Variants in MME observed in about 807,000 individuals in gnomAD.
The protein encoded by MME is neprilysin.
Under a neutral mutation model 113.2 loss-of-function variants are expected in MME, and 98 were observed. The observed-to-expected ratio is 0.87, with a 90% confidence interval of 0.74 to 1.02. MME has a LOEUF of 1.02. Ranked by LOEUF, MME falls within the 50% of genes least tolerant of loss-of-function variation. The pLI is 0.00. For synonymous variants in MME, 292 were observed against 300.6 expected (o/e 0.97, Z 0.30); for missense variants, 836 against 896.0 (o/e 0.93, Z 0.86).
upstream of MME, among the ~76,000 whole-genome samples, chr3:155,075,873 AC>A (rs1714731676): frequency 6.6e-6 from 1 of 151,632 alleles, no homozygotes; most frequent in Non-Finnish European, 1.5e-5. Flanking sequence ...CAGCTTACAC[AC>A]CCCGTTGTCT....
chr3:155,157,984 G>A (rs1314381380), intron 16 of MME, among the ~76,000 whole-genome samples: 2 of 152,068 alleles, frequency 1.3e-5, no homozygotes, highest in Non-Finnish European at 2.9e-5. Flanking sequence ...TGTAACAGAA[G>A]AGCAGAAAAG....
intron 10 of MME, among the ~76,000 whole-genome samples, chr3:155,141,721 G>T (rs1721104222): frequency 1.3e-5 from 2 of 151,752 alleles, no homozygotes; most frequent in South Asian, 4.2e-4. Context: ...TTCTGTATTG[G>T]TTAGACAAAG....
intron 7 of MME, among the ~76,000 whole-genome samples, chr3:155,117,819 C>G (rs1184916652): frequency 6.6e-6 from 1 of 152,080 alleles, no homozygotes; most frequent in Admixed American, 6.6e-5. Context: ...GGGGAAGGAT[C>G]AGGGCCCTTC....
intron 1 of MME, among the ~76,000 whole-genome samples, chr3:155,070,998 G>A (rs975595440): frequency 2.0e-5 from 3 of 152,170 alleles, no homozygotes; most frequent in African/African-American, 7.2e-5. Flanking sequence ...CACAGGAAAT[G>A]CATCAGAGAG....
intron 22 of MME, among the ~76,000 whole-genome samples, chr3:155,179,443 G>A (rs562069980): frequency 6.6e-5 from 10 of 152,218 alleles, no homozygotes; most frequent in African/African-American, 2.2e-4. Context: ...GGAGGAGAGA[G>A]AAGTCCTAAG....
At chr3:155,075,308 C>G (rs1381317612), upstream of MME, among the ~76,000 whole-genome samples, 1 of 151,916 alleles carries the variant, frequency 6.6e-6, no homozygotes, top group Non-Finnish European at 1.5e-5. Context: ...TATGCTATAG[C>G]CTTATGTTTT....
intron 1 of MME, among the ~76,000 whole-genome samples, chr3:155,035,076 T>C (rs1367228339): frequency 6.6e-6 from 1 of 152,092 alleles, no homozygotes; most frequent in Admixed American, 6.6e-5. Flanking sequence ...GGAGATGGAA[T>C]GTTTATTTTA....
chr3:155,133,498 G>A (rs569787394), intron 8 of MME, among the ~76,000 whole-genome samples: 2 of 151,136 alleles, frequency 1.3e-5, no homozygotes, highest in South Asian at 4.2e-4. Context: ...TAAATACATC[G>A]GTAAGGATAA....
intron 1 of MME, among the ~76,000 whole-genome samples, chr3:155,072,899 C>T (rs1311848615): frequency 6.6e-6 from 1 of 152,180 alleles, no homozygotes; most frequent in African/African-American, 2.4e-5. Flanking sequence ...ATGTTGGCCT[C>T]TCAAAACTTT....
chr3:155,063,507 A>G (rs1268999628), intron 1 of MME, among the ~76,000 whole-genome samples: 2 of 112,364 alleles, frequency 1.8e-5, no homozygotes, highest in African/African-American at 7.8e-5. Context: ...TTAAATATAT[A>G]TATTTAAATA....
At chr3:155,032,681 A>T (rs1713008975) in intron 1 of MME, among the ~76,000 whole-genome samples, 1 of 152,214 alleles carries the variant, frequency 6.6e-6, no homozygotes, top group African/African-American at 2.4e-5. Context: ...AATGACAGGG[A>T]TCACAGGAGG....
chr3:155,160,568 T>C, intron 17 of MME, 120 bp downstream of exon 17: 1 of 698,832 alleles, frequency 1.4e-6, no homozygotes, highest in East Asian at 2.6e-5. Context: ...TATTGCTCTA[T>C]TGAATGCATT....
intron 8 of MME, among the ~76,000 whole-genome samples, chr3:155,124,754 C>T (rs1330670391): frequency 6.6e-6 from 1 of 151,872 alleles, no homozygotes; most frequent in African/African-American, 2.4e-5. Context: ...CAGGGACCCA[C>T]TTGAGGAGGC....
chr3:155,053,581 G>T (rs1243973096), intron 1 of MME, among the ~76,000 whole-genome samples: 1 of 152,118 alleles, frequency 6.6e-6, no homozygotes, highest in South Asian at 2.1e-4. Context: ...GACTTGTGGG[G>T]ATTATGGGAA....
At chr3:155,107,039 T>A in intron 3 of MME, among the ~76,000 whole-genome samples, 1 of 152,286 alleles carries the variant, frequency 6.6e-6, no homozygotes, top group East Asian at 1.9e-4. Context: ...TCCCTAAACA[T>A]TAATTCAGTG....
intron 1 of MME, among the ~76,000 whole-genome samples, chr3:155,051,728 G>T (rs995125782): frequency 6.6e-6 from 1 of 151,954 alleles, no homozygotes; most frequent in African/African-American, 2.4e-5. Flanking sequence ...ATTTTGGTGG[G>T]GATACAAAGC....
At chr3:155,042,911 T>C (rs1382896342) in intron 1 of MME, among the ~76,000 whole-genome samples, 1 of 40,378 alleles carries the variant, frequency 2.5e-5, no homozygotes, top group Non-Finnish European at 4.5e-5. Context: ...TATATATATA[T>C]ATATATATAT....
At chr3:155,039,902 C>T (rs1259132897) in intron 1 of MME, among the ~76,000 whole-genome samples, 1 of 152,028 alleles carries the variant, frequency 6.6e-6, no homozygotes, top group South Asian at 2.1e-4. Context: ...ATGACTAAAT[C>T]TAACTGATTA....
At chr3:155,151,091 A>G (rs1266102856) in intron 16 of MME, among the ~76,000 whole-genome samples, 1 of 152,180 alleles carries the variant, frequency 6.6e-6, no homozygotes, top group Admixed American at 6.5e-5. Context: ...AAAATGTAAT[A>G]AAGTCATTAC....
Sources: gnomAD v4.1 joint callset for allele counts (sites outside exome capture counted in the v4.1 genomes callset) on GRCh38, gnomAD v4.1.1 for gene constraint, MANE v1.5 for transcripts, NCBI Gene and HGNC (gene_info 2026-07-23, HGNC 2026-07-21) for gene names.